Variants in CEP250 observed in about 807,000 individuals in gnomAD.
The protein encoded by CEP250 is centrosome-associated protein CEP250.
Under a neutral mutation model 315.7 loss-of-function variants are expected in CEP250, and 242 were observed. That is an observed-to-expected ratio of 0.77 (90% CI 0.69 to 0.85). The LOEUF (loss-of-function observed/expected upper bound fraction) is 0.85, where lower values mean the gene tolerates loss of function less well. Ranked by LOEUF, CEP250 falls within the 40% of genes least tolerant of loss-of-function variation. CEP250 has a pLI of 0.00. For missense variants in CEP250, 2,515 were observed against 2,886.4 expected, an observed-to-expected ratio of 0.87 and a Z score of 2.95; for synonymous variants, 1,088 against 1,175.0, an observed-to-expected ratio of 0.93 and a Z score of 1.51.
Position 35,478,208 on chromosome 20 carries a change from T to C in CEP250, c.2094+107T>C. 3 of 759,154 alleles carry C rather than the reference T, an allele frequency of 4.0e-6. No homozygotes were observed. The South Asian group carries it at 5.6e-5, about 14-fold the overall frequency. The allele number at this position is 759,154 out of a possible 1,614,324, so 47.0% of individuals were successfully genotyped here. On this transcript the variant is annotated intron_variant, in intron 17 of 34. Coordinates refer to ENST00000397527, the MANE Select transcript of CEP250 (RefSeq NM_007186.6). ...TGGAAAGTGAAAAAGTCTTACTTCC[T>C]AGAAATGACCAGTGTTACTAGTTTG...
intron 10 of CEP250, among the ~76,000 whole-genome samples, chr20:35,471,784 G>C (rs941236618): frequency 6.6e-6 from 1 of 152,194 alleles, no homozygotes; most frequent in Non-Finnish European, 1.5e-5. Flanking sequence ...AGAAAAAGAA[G>C]TAAGTGATAG....
chr20:35,488,650 T>C (rs1028296226), intron 20 of CEP250, among the ~76,000 whole-genome samples: 1 of 151,914 alleles, frequency 6.6e-6, no homozygotes, highest in Admixed American at 6.6e-5. Flanking sequence ...TTTTTGTAGA[T>C]AAGGGGTTTC....
intron 25 of CEP250, among the ~76,000 whole-genome samples, chr20:35,497,429 G>T (rs2063870046): frequency 6.6e-6 from 1 of 152,220 alleles, no homozygotes; most frequent in Non-Finnish European, 1.5e-5. Flanking sequence ...CGAGGTTTCA[G>T]GGCAGAGTTC....
Position 35,504,466 on chromosome 20 carries a change from T to A in CEP250, c.6097T>A (p.Tyr2033Asn). The change falls in exon 30 of 35, where the codon TAC becomes AAC. Residue 2033 changes from tyrosine (Y) to asparagine (N), a missense_variant. Transcript: ENST00000397527. ...TGAGATCCAGGACCAGGATCTCCGA[T>A]ACCAGGAGGATGTGCAGCAGCTGCA... Reference protein sequence around the residue: ...EGEIQDQDLRYQEDVQQLQQA... With the variant: ...EGEIQDQDLRNQEDVQQLQQA... 6.2e-7 allele frequency: 1 copy of A among 1,613,212 alleles called. No individual in the cohort carries two copies. Among genetic ancestry groups the A allele is most frequent in the Non-Finnish European group, 8.5e-7 (1 of 1,179,656 alleles).
Position 35,480,008 on chromosome 20 carries a change from A to G in CEP250, c.2449A>G (p.Thr817Ala). The G allele has an allele frequency of 1.9e-6, 3 of 1,613,826 alleles. No homozygotes were observed. The highest frequency in any genetic ancestry group is 2.5e-6 in the Non-Finnish European group (3 of 1,180,020). Residue 817 changes from threonine to alanine, a missense_variant, in exon 20 of 35, where the codon ACT becomes GCT. Thr to Ala is a moderately conservative substitution (Grantham distance 58). Transcript: ENST00000397527. ...GAGGTGCCTGAAGCTGGAACTGGACACTGAACGGAGTCAGGCAGAGCAGGA... is the reference window on the plus strand; with the variant it reads ...GAGGTGCCTGAAGCTGGAACTGGACGCTGAACGGAGTCAGGCAGAGCAGGA... ...EVRCLKLELDTERSQAEQERD... is the reference protein window; with the variant it reads ...EVRCLKLELDAERSQAEQERD...
intron 22 of CEP250, among the ~76,000 whole-genome samples, chr20:35,493,222 G>A (rs533179209): frequency 6.6e-6 from 1 of 151,962 alleles, no homozygotes; most frequent in Non-Finnish European, 1.5e-5. Context: ...CTAGGTGAGA[G>A]ACTATTACCA....
chr20:35,501,586 T>C (rs945571793), intron 28 of CEP250, among the ~76,000 whole-genome samples: 1 of 152,098 alleles, frequency 6.6e-6, no homozygotes, highest in African/African-American at 2.4e-5. Context: ...GTGATGAGGA[T>C]GAGGACATAT....
intron 11 of CEP250, 40 bp downstream of exon 11, chr20:35,472,191 C>T: frequency 1.7e-6 from 2 of 1,175,854 alleles, no homozygotes; most frequent in Non-Finnish European, 2.6e-6. Context: ...CAGGTTATGC[C>T]TCCACTCCCC....
Position 35,517,417 on chromosome 20 carries a change from AG to A in CEP250, c.*5794del, listed in dbSNP as rs1208387699. ...GAGAGGAGCTGCCTATTCACAGTGT[AG>A]GGTTGTCAAGCTGGAGGCAGGGAGA... is the stretch of plus-strand genomic sequence containing the variant. On this transcript the variant is annotated 3_prime_UTR_variant, in exon 35 of 35. Transcript: ENST00000397527. 6.6e-6 allele frequency: 1 copy of A among 152,226 alleles called. No homozygotes were observed. The highest frequency in any genetic ancestry group is 1.5e-5 in the Non-Finnish European group (1 of 68,050). The allele number at this position is 152,226 out of a possible 1,614,324, so 9.4% of individuals were successfully genotyped here.
At chr20:35,459,601 A>ATGGCAAAACC (rs2062709887) in intron 2 of CEP250, among the ~76,000 whole-genome samples, 1 of 149,848 alleles carries the variant, frequency 6.7e-6, no homozygotes, top group Non-Finnish European at 1.5e-5. Context: ...CTTAGGCAAC[A>ATGGCAAAACC]TGGCAAAACC....
rs2064457717 is a variant in CEP250 at position 35,519,160 on chromosome 20, G to T, written c.*7534G>T. On this transcript the variant is annotated 3_prime_UTR_variant, in exon 35 of 35. Coordinates refer to ENST00000397527, the MANE Select transcript of CEP250 (RefSeq NM_007186.6). ...GTACTTTGTAAACTGTTAGTTCAAT[G>T]AGGTTATGATTGCACAACAATGTGA... 6.6e-6 allele frequency: 1 copy of T among 152,134 alleles called. No homozygotes were observed. The highest frequency in any genetic ancestry group is 1.5e-5 in the Non-Finnish European group (1 of 68,042). The allele number at this position is 152,134 out of a possible 1,614,324, so 9.4% of individuals were successfully genotyped here. A position where few individuals can be genotyped will look rare whatever the true frequency, so the allele number is the denominator to read the frequency against.
chr20:35,480,854 C>T (rs2063327855), intron 20 of CEP250, among the ~76,000 whole-genome samples: 2 of 152,022 alleles, frequency 1.3e-5, no homozygotes, highest in East Asian at 3.9e-4. Context: ...TCCTAAAGTG[C>T]AGGGTACAGC....
Position 35,502,671 on chromosome 20 carries a change from AGAG to A in CEP250, c.4307_4309del (p.Glu1436del), listed in dbSNP as rs1209218824. On this transcript the variant is annotated inframe_deletion, in exon 30 of 35. Coordinates refer to ENST00000397527, the MANE Select transcript of CEP250 (RefSeq NM_007186.6). ...TGACCCAGACCCTAGCTGAAAGAGA[AGAG>A]GAGGTGGAGACTCTGCGGGGACAAA... The A allele has an allele frequency of 6.2e-7, 1 of 1,614,154 alleles. No individual in the cohort carries two copies. Among genetic ancestry groups the A allele is most frequent in the Non-Finnish European group, 8.5e-7 (1 of 1,180,056 alleles).
intron 32 of CEP250, 123 bp downstream of exon 32, chr20:35,508,313 G>T: frequency 1.8e-6 from 2 of 1,097,510 alleles, no homozygotes; most frequent in African/African-American, 1.6e-5. Flanking sequence ...TGAAAATTAA[G>T]TTTGTTTTTT....
At chr20:35,509,713 G>T (rs981394835) in intron 33 of CEP250, among the ~76,000 whole-genome samples, 1 of 152,214 alleles carries the variant, frequency 6.6e-6, no homozygotes, top group African/African-American at 2.4e-5. Flanking sequence ...GCAGATACAT[G>T]GTGTACTTCT....
intron 3 of CEP250, among the ~76,000 whole-genome samples, chr20:35,461,712 T>C (rs1399641626): frequency 6.6e-6 from 1 of 152,208 alleles, no homozygotes; most frequent in East Asian, 1.9e-4. Flanking sequence ...AGAGTTATAA[T>C]AGTACGTTTG....
chr20:35,477,290 G>A (rs1432396927), intron 16 of CEP250, among the ~76,000 whole-genome samples: 5 of 152,090 alleles, frequency 3.3e-5, no homozygotes, highest in Non-Finnish European at 5.9e-5. Context: ...GATTACAGGC[G>A]TGAGCCACCA....
chr20:35,462,968 A>G (rs1174316402), intron 4 of CEP250, among the ~76,000 whole-genome samples: 1 of 152,138 alleles, frequency 6.6e-6, no homozygotes, highest in African/African-American at 2.4e-5. Flanking sequence ...GGTTAAGTTA[A>G]TTATCCAGGT....
chr20:35,508,155 C>T lies in CEP250; in HGVS notation c.6871C>T (p.Arg2291Cys), dbSNP rs772146999. The stretch of plus-strand genomic sequence containing the variant: ...GGAGATTGACAGGAGCAGGCTGCAG[C>T]GCCACAATGTCCAGCTGCGGAGTAC... ...RLEIDRSRLQ[R>C]HNVQLRSTLE... Residue 2291 changes from arginine to cysteine, a missense_variant, in exon 32 of 35, where the codon CGC becomes TGC. Arg to Cys is a radical substitution (Grantham distance 180). Transcript: ENST00000397527. The T allele has an allele frequency of 4.1e-5, 66 of 1,614,048 alleles. No homozygotes were observed. The East Asian group carries it at 1.1e-3, about 28-fold the overall frequency.
Sources: allele counts gnomAD v4.1 joint callset (sites outside exome capture counted in the v4.1 genomes callset), GRCh38; gene constraint gnomAD v4.1.1; transcripts MANE v1.5; gene names NCBI Gene and HGNC (gene_info 2026-07-23, HGNC 2026-07-21).